The following ZFAND5 variants were observed in gnomAD, a reference collection of about 807,000 sequenced individuals.
The protein encoded by ZFAND5 is AN1-type zinc finger protein 5.
Under a neutral mutation model 23.6 loss-of-function variants are expected in ZFAND5, and 4 were observed. The ratio of observed to expected loss-of-function variants is 0.17; its 90% confidence interval spans 0.08 to 0.39. ZFAND5 has a LOEUF of 0.39. ZFAND5 is among the 10% of genes least tolerant of loss of function. The pLI is 1.00. For missense variants in ZFAND5, 161 were observed against 253.7 expected (o/e 0.63, Z 2.48); for synonymous variants, 68 against 80.6 (o/e 0.84, Z 0.84).
In ZFAND5 at chr9:72,360,755, G is replaced by A. The variant is rs749016461; in HGVS notation, c.24C>T (p.Thr8=). 21 of 1,609,140 alleles carry A rather than the reference G, an allele frequency of 1.3e-5. No individual in the cohort carries two copies. Among genetic ancestry groups the A allele is most frequent in the South Asian group, 2.2e-5 (2 of 90,736 alleles). ...CTGTGCTACACAGCATGGGCCCCGG[G>A]GTCTGGTTAGTCTCCTGAGCCATAT... MAQETNQ[T]PGPMLCSTGC... Residue 8 remains threonine, a synonymous_variant, in exon 3 of 7, where the codon ACC becomes ACT. Coordinates refer to ENST00000376962, the MANE Select transcript of ZFAND5 (RefSeq NM_001102420.3).
At chr9:72,363,698 A>G in intron 1 of ZFAND5, 92 bp from the exon 2 acceptor site, 1 of 957,328 alleles carries the variant, frequency 1.0e-6, no homozygotes, top group Non-Finnish European at 1.2e-6. Flanking sequence ...TTCAAAGATA[A>G]AATTGCAGTA....
At chr9:72,364,566 TC>T (rs1295941443) in intron 1 of ZFAND5, 129 bp downstream of exon 1, 7 of 1,259,066 alleles carry the variant, frequency 5.6e-6, no homozygotes, top group East Asian at 7.2e-5. Context: ...CGGGCTCCCC[TC>T]CCCCGGACGC....
rs1345550493 is a variant in ZFAND5, at chr9:72,361,573, C to A, written c.-9-786G>T. Among the ~76,000 whole-genome samples the A allele has an allele frequency of 2.6e-5, 4 of 152,222 alleles. No individual in the cohort carries two copies. The East Asian group carries it at 7.7e-4, about 29-fold the overall frequency. On this transcript the variant is annotated intron_variant, in intron 2 of 6. Coordinates refer to ENST00000376962, the MANE Select transcript of ZFAND5 (RefSeq NM_001102420.3). ...TCCTCATACCAGAAAATAATAAAACCGTTCCAAGCTCAAATTCAATGTATT... is the reference window on the plus strand; with the variant it reads ...TCCTCATACCAGAAAATAATAAAACAGTTCCAAGCTCAAATTCAATGTATT...
intron 4 of ZFAND5, 134 bp downstream of exon 4, chr9:72,359,976 G>C (rs1432132662): frequency 1.5e-6 from 1 of 659,328 alleles, no homozygotes; most frequent in Non-Finnish European, 2.6e-6. Flanking sequence ...AATGACTTAA[G>C]AGTCATGTAT....
In ZFAND5 at chr9:72,356,100, C is replaced by T. The variant is rs776221008; in HGVS notation, c.495G>A (p.Gly165=). 3.1e-6 allele frequency: 5 copies of T among 1,608,280 alleles called. No individual in the cohort carries two copies. The Admixed American group carries it at 6.9e-5, about 22-fold the overall frequency. The change falls in exon 7 of 7, where the codon GGG becomes GGA. Residue 165 remains glycine (G), a splice_region_variant and synonymous_variant. Transcript: ENST00000376962. ...ACAAATTTCCACATCGGCAGTCAAA[C>T]CCTGTACAAACGAAGAAGTAGAGTC... ...FMCRKKVGLT[G]FDCRCGNLFC... is the part of the protein sequence containing the mutation.
Position 72,354,071 on chromosome 9 carries a change from G to GA in ZFAND5, c.*1881dup, listed in dbSNP as rs1241677220. The GA allele has an allele frequency of 2.0e-5, 3 of 152,126 alleles. No individual in the cohort carries two copies. The highest frequency in any genetic ancestry group is 2.9e-5 in the Non-Finnish European group (2 of 68,038). 9.4% of individuals were successfully genotyped at this position (152,126 alleles called of 1,614,324 possible). On this transcript the variant is annotated 3_prime_UTR_variant, in exon 7 of 7. Transcript: ENST00000376962. The stretch of plus-strand genomic sequence containing the variant: ...CGCTACAGAGACCAAGTCCATGGGT[G>GA]AATCTCTGTATTAGAGCCAAACCCA...
chr9:72,363,115 T>G (rs1842152103), intron 2 of ZFAND5, among the ~76,000 whole-genome samples: 2 of 152,026 alleles, frequency 1.3e-5, no homozygotes, highest in Admixed American at 1.3e-4. Flanking sequence ...CTAAGCACAG[T>G]GGAGACAGTG....
Position 72,357,059 on chromosome 9 carries a change from GA to G in ZFAND5, c.368-4del. The G allele has an allele frequency of 6.2e-7, 1 of 1,609,228 alleles. No homozygotes were observed. The highest frequency in any genetic ancestry group is 8.5e-7 in the Non-Finnish European group (1 of 1,177,866). ...TGATGGACTGGGCTGAGTGACAACTGAAAAGGACAAAAACACAAATTTGTCA... is the reference window on the plus strand; with the variant it reads ...TGATGGACTGGGCTGAGTGACAACTGAAAGGACAAAAACACAAATTTGTCA... On this transcript the variant is annotated splice_polypyrimidine_tract_variant and splice_region_variant and intron_variant, in intron 5 of 6. Transcript: ENST00000376962.
In ZFAND5 at chr9:72,354,330, G is replaced by C. The variant is rs896797280; in HGVS notation, c.*1623C>G. 4.0e-5 allele frequency: 6 copies of C among 148,476 alleles called. No individual in the cohort carries two copies. Among genetic ancestry groups the C allele is most frequent in the African/African-American group, 1.6e-4 (6 of 37,966 alleles). The allele number at this position is 148,476 out of a possible 1,614,324, so 9.2% of individuals were successfully genotyped here. A position where few individuals can be genotyped will look rare whatever the true frequency, so the allele number is the denominator to read the frequency against. On this transcript the variant is annotated 3_prime_UTR_variant, in exon 7 of 7. Transcript: ENST00000376962. The stretch of plus-strand genomic sequence containing the variant: ...CCTGCAAATGCTTCTAATATCTCTT[G>C]ATTATCACTTGAACAAGTTCAGCGA...
chr9:72,355,888 C>T lies in ZFAND5; in HGVS notation c.*65G>A. ...AAAGAAAAATGGCCATGCATCTGCT[C>T]TTTAATGTTTTCCTACGATATATTA... On this transcript the variant is annotated 3_prime_UTR_variant, in exon 7 of 7. Coordinates refer to ENST00000376962, the MANE Select transcript of ZFAND5 (RefSeq NM_001102420.3). The T allele has an allele frequency of 6.7e-7, 1 of 1,499,852 alleles. No individual in the cohort carries two copies. Among genetic ancestry groups the T allele is most frequent in the Non-Finnish European group, 9.0e-7 (1 of 1,111,158 alleles). The allele number at this position is 1,499,852 out of a possible 1,614,324, so 92.9% of individuals were successfully genotyped here.
chr9:72,364,608 T>C (rs753810854), intron 1 of ZFAND5, 88 bp downstream of exon 1: 184 of 1,213,622 alleles, frequency 1.5e-4, no homozygotes, highest in Middle Eastern at 8.3e-4. Flanking sequence ...GGCTTCGCCA[T>C]TGGCCCGCGG....
chr9:72,359,581 A>T (rs1001516169), intron 4 of ZFAND5, 60 bp from the exon 5 acceptor site: 4 of 1,434,856 alleles, frequency 2.8e-6, no homozygotes, highest in African/African-American at 2.9e-5. Flanking sequence ...GAGACAATGA[A>T]TAAGTTGTCA....
At position 72,354,685 on chromosome 9, in the gene ZFAND5, TTAAC is replaced by T. The variant is rs375667400; in HGVS notation, c.*1264_*1267del. 35 of 152,742 alleles carry T rather than the reference TTAAC, an allele frequency of 2.3e-4. No individual in the cohort carries two copies. Among genetic ancestry groups the T allele is most frequent in the East Asian group, 5.8e-4 (3 of 5,186 alleles). 9.5% of individuals were successfully genotyped at this position (152,742 alleles called of 1,614,324 possible). A position where few individuals can be genotyped will look rare whatever the true frequency, so the allele number is the denominator to read the frequency against. ...CAGAAGTAGTGCCTCGTGTACATAC[TTAAC>T]TATTTACAGATGAAAACAGGCATTA... On this transcript the variant is annotated 3_prime_UTR_variant, in exon 7 of 7. Coordinates refer to ENST00000376962, the MANE Select transcript of ZFAND5 (RefSeq NM_001102420.3).
In ZFAND5 at chr9:72,357,038, G is replaced by A. The variant is rs756467166; in HGVS notation, c.386C>T (p.Pro129Leu). 3 of 1,613,106 alleles carry A rather than the reference G, an allele frequency of 1.9e-6. No individual in the cohort carries two copies. The highest frequency in any genetic ancestry group is 2.7e-5 in the African/African-American group (2 of 74,834). Residue 129 changes from proline to leucine, a missense_variant, in exon 6 of 7, where the codon CCA becomes CTA. Physicochemically the swap from Pro to Leu is moderately conservative, Grantham distance 98 (BLOSUM62 -3). Around this residue, in one of 3 missense-constraint regions of ZFAND5, gnomAD observed 116 missense variants for 115.2 expected, o/e 1.01. Coordinates refer to ENST00000376962, the MANE Select transcript of ZFAND5 (RefSeq NM_001102420.3). ...VSEPVVTQPS[P>L]SVSQPSTSQS... is the part of the protein sequence containing the mutation. ...AGAAGTACTGGGCTGAGAAACTGATGGACTGGGCTGAGTGACAACTGAAAA... is the reference window on the plus strand; with the variant it reads ...AGAAGTACTGGGCTGAGAAACTGATAGACTGGGCTGAGTGACAACTGAAAA...
At chr9:72,361,153 G>A (rs910845720) in intron 2 of ZFAND5, among the ~76,000 whole-genome samples, 4 of 152,180 alleles carry the variant, frequency 2.6e-5, no homozygotes, top group African/African-American at 7.2e-5. Flanking sequence ...CATTTCAAAT[G>A]TTTTTACTTA....
chr9:72,364,309 A>T, intron 1 of ZFAND5: 1 of 681,136 alleles, frequency 1.5e-6, no homozygotes, highest in Non-Finnish European at 2.0e-6. Flanking sequence ...CTTAGGGGAG[A>T]GCTAGGGGGG....
At position 72,364,700 on chromosome 9, in the gene ZFAND5, C is replaced by A. The variant is rs1456319225; in HGVS notation, c.-151G>T. ...CCGCAGCCCCGTATCACTCACCCTG[C>A]AGGGTCCCAAATGCGAAAGCCGGGT... On this transcript the variant is annotated 5_prime_UTR_variant, in exon 1 of 7. Coordinates refer to ENST00000376962, the MANE Select transcript of ZFAND5 (RefSeq NM_001102420.3). 10 of 966,092 alleles carry A rather than the reference C, an allele frequency of 1.0e-5. No individual in the cohort carries two copies. The highest frequency in any genetic ancestry group is 1.9e-5 in the South Asian group (1 of 52,170). The allele number at this position is 966,092 out of a possible 1,614,324, so 59.8% of individuals were successfully genotyped here. A position where few individuals can be genotyped will look rare whatever the true frequency, so the allele number is the denominator to read the frequency against.
intron 5 of ZFAND5, among the ~76,000 whole-genome samples, chr9:72,357,257 T>A (rs186681544): frequency 3.9e-5 from 6 of 152,182 alleles, no homozygotes; most frequent in Non-Finnish European, 7.4e-5. Flanking sequence ...CCAATCACCA[T>A]ACTACTTGCT....
chr9:72,357,548 T>C (rs1587871753), intron 5 of ZFAND5, among the ~76,000 whole-genome samples: 2 of 152,172 alleles, frequency 1.3e-5, no homozygotes, highest in South Asian at 2.1e-4. Flanking sequence ...CAAATAAAAC[T>C]CAAACCATTC....
Sources: allele counts gnomAD v4.1 joint callset (sites outside exome capture counted in the v4.1 genomes callset), GRCh38; gene constraint gnomAD v4.1.1; regional missense constraint gnomAD v4.1.1; transcripts MANE v1.5; gene names NCBI Gene and HGNC (gene_info 2026-07-23, HGNC 2026-07-21).